The following PRKN variants were observed in gnomAD, a reference collection of about 807,000 sequenced individuals.
PRKN encodes the protein E3 ubiquitin-protein ligase parkin.
PRKN carries 56 observed loss-of-function variants against 59.5 expected under a neutral mutation model. The observed-to-expected ratio is 0.94, with a 90% CI of 0.76 to 1.18. PRKN has a LOEUF of 1.18. Among genes scored for constraint, PRKN ranks in the 50% most tolerant of loss-of-function variants. PRKN has a pLI of 0.00. For missense variants in PRKN, 657 were observed against 596.4 expected (o/e 1.10, Z -1.06); for synonymous variants, 250 against 222.1 (o/e 1.13, Z -1.12).
At chr6:161,594,900 C>T (rs974843680) in intron 7 of PRKN, among the ~76,000 whole-genome samples, 8 of 152,100 alleles carry the variant, frequency 5.3e-5, no homozygotes, top group African/African-American at 1.7e-4. Context: ...GAAAAACAGT[C>T]AAATCAGATA....
intron 1 of PRKN, among the ~76,000 whole-genome samples, chr6:162,474,807 A>G (rs1248722240): frequency 6.6e-6 from 1 of 152,210 alleles, no homozygotes; most frequent in Non-Finnish European, 1.5e-5. Flanking sequence ...TACTGAAAAT[A>G]GCCTATTTCC....
chr6:162,010,033 T>C (rs1782426944), intron 5 of PRKN, among the ~76,000 whole-genome samples: 1 of 151,256 alleles, frequency 6.6e-6, no homozygotes, highest in Admixed American at 6.6e-5. Flanking sequence ...CGCTTGGAGT[T>C]ACTATTTAAT....
intron 7 of PRKN, among the ~76,000 whole-genome samples, chr6:161,646,045 T>G (rs9458323): frequency 1.6e-5 from 1 of 64,420 alleles, no homozygotes. Flanking sequence ...GCATGCGTGG[T>G]GGAGGAGGCG....
At chr6:161,805,478 A>ACACACACACACACACATG (rs61442187) in intron 6 of PRKN, among the ~76,000 whole-genome samples, 10 of 149,364 alleles carry the variant, frequency 6.7e-5, no homozygotes, top group South Asian at 2.1e-4. Flanking sequence ...ACACACACAC[A>ACACACACACACACACATG]CATGCATGTA....
At chr6:161,510,916 G>A (rs993427315) in intron 9 of PRKN, among the ~76,000 whole-genome samples, 2 of 152,166 alleles carry the variant, frequency 1.3e-5, no homozygotes, top group Admixed American at 6.5e-5. Context: ...ATTGAGCGTG[G>A]ATAAGGGAAA....
At position 161,406,935 on chromosome 6, in the gene PRKN, G is replaced by A. The variant is rs1042628148; in HGVS notation, c.1084-20058C>T. On this transcript the variant is annotated intron_variant, in intron 9 of 11. Coordinates refer to ENST00000366898, the MANE Select transcript of PRKN (RefSeq NM_004562.3). The stretch of plus-strand genomic sequence containing the variant: ...AGGAGCGTCTCGGCACTGCTGCTAC[G>A]GGTAAGGACAGAGCTTCTTGCTGAC... Among the ~76,000 whole-genome samples, 11 of 152,146 alleles carry A rather than the reference G, an allele frequency of 7.2e-5. No homozygotes were observed. In the East Asian group the frequency reaches 1.3e-3, roughly 19 times the overall value.
intron 2 of PRKN, among the ~76,000 whole-genome samples, chr6:162,421,890 G>A (rs149321321): frequency 6.6e-6 from 1 of 152,256 alleles, no homozygotes; most frequent in African/African-American, 2.4e-5. Flanking sequence ...ATTAAAGTAT[G>A]TATTCTATTT....
chr6:161,806,754 T>C (rs1354251832), intron 6 of PRKN, among the ~76,000 whole-genome samples: 2 of 152,208 alleles, frequency 1.3e-5, no homozygotes, highest in Non-Finnish European at 2.9e-5. Flanking sequence ...GGTATTTGAA[T>C]GTGCATTGGG....
chr6:161,771,181 C>T (rs1056494545), intron 7 of PRKN, among the ~76,000 whole-genome samples: 1 of 151,550 alleles, frequency 6.6e-6, no homozygotes, highest in Non-Finnish European at 1.5e-5. Context: ...ACGGTGAAAC[C>T]CTGTCTCTAC....
At chr6:161,394,789 T>G (rs1353237209) in intron 9 of PRKN, among the ~76,000 whole-genome samples, 1 of 152,134 alleles carries the variant, frequency 6.6e-6, no homozygotes, top group Non-Finnish European at 1.5e-5. Context: ...CATTAAAAGA[T>G]CCATGATAAG....
At chr6:161,671,258 T>G (rs1784898787) in intron 7 of PRKN, among the ~76,000 whole-genome samples, 1 of 152,116 alleles carries the variant, frequency 6.6e-6, no homozygotes, top group Admixed American at 6.5e-5. Flanking sequence ...CACCTCCTTC[T>G]TAGTGTTGGC....
intron 6 of PRKN, among the ~76,000 whole-genome samples, chr6:161,862,875 G>A (rs1793963061): frequency 6.6e-6 from 1 of 152,136 alleles, no homozygotes. Context: ...TTTTTTAAGA[G>A]AAAGACTATG....
In PRKN at chr6:161,390,599, C is replaced by T. The variant is rs1019407868; in HGVS notation, c.1084-3722G>A. Among the ~76,000 whole-genome samples the T allele has an allele frequency of 2.6e-5, 4 of 152,180 alleles. No homozygotes were observed. Among genetic ancestry groups the T allele is most frequent in the African/African-American group, 7.2e-5 (3 of 41,422 alleles). ...CGCCTCCCGGGTTCAAGCAATTCTC[C>T]CGTCTCAGCCTCCTGAGTAGCTGGG... On this transcript the variant is annotated intron_variant, in intron 9 of 11. Coordinates refer to ENST00000366898, the MANE Select transcript of PRKN (RefSeq NM_004562.3). This position sits in a 1 kb window ranked among gnomAD's most constrained non-coding sequence, Gnocchi z 7.0.
intron 6 of PRKN, among the ~76,000 whole-genome samples, chr6:161,964,830 TG>T (rs1480072766): frequency 6.6e-6 from 1 of 152,090 alleles, no homozygotes; most frequent in Non-Finnish European, 1.5e-5. Flanking sequence ...AGATCCCATC[TG>T]ATCCCTAAAT....
chr6:162,676,387 C>T (rs1254640086), intron 1 of PRKN, among the ~76,000 whole-genome samples: 1 of 151,912 alleles, frequency 6.6e-6, no homozygotes, highest in African/African-American at 2.4e-5. Context: ...AAAAATAAAA[C>T]TTTATTGTCA....
At chr6:162,379,081 T>G (rs1786282819) in intron 2 of PRKN, among the ~76,000 whole-genome samples, 1 of 152,182 alleles carries the variant, frequency 6.6e-6, no homozygotes, top group South Asian at 2.1e-4. Flanking sequence ...CCTCTCCCCT[T>G]CTTACACATT....
In PRKN at chr6:161,460,646, G is replaced by A. The variant is rs145596376; in HGVS notation, c.1084-73769C>T. ...CTGAAGAAGACACAACTTCATCGCCGTGAGCATGACTTCCAGGGATGTCCA... is the reference window on the plus strand; with the variant it reads ...CTGAAGAAGACACAACTTCATCGCCATGAGCATGACTTCCAGGGATGTCCA... On this transcript the variant is annotated intron_variant, in intron 9 of 11. Transcript: ENST00000366898. The surrounding 1 kb of genome is among the most constrained non-coding windows in gnomAD (Gnocchi z 5.0). 1.6e-4 allele frequency among the ~76,000 whole-genome samples: 24 copies of A among 152,228 alleles called. No homozygotes were observed. Among genetic ancestry groups the A allele is most frequent in the Middle Eastern group, 3.4e-3 (1 of 294 alleles).
intron 7 of PRKN, among the ~76,000 whole-genome samples, chr6:161,664,502 C>T (rs538252872): frequency 4.0e-5 from 6 of 151,684 alleles, no homozygotes; most frequent in African/African-American, 1.2e-4. Context: ...GAACCGGTAT[C>T]CTTTAAAATA....
At position 162,473,792 on chromosome 6, in the gene PRKN, T is replaced by C. The variant is rs181059603; in HGVS notation, c.8-30319A>G. On this transcript the variant is annotated intron_variant, in intron 1 of 11. Coordinates refer to ENST00000366898, the MANE Select transcript of PRKN (RefSeq NM_004562.3). Reference sequence around the variant, plus strand: ...TAGAACCAAGCTGAAAACCATAAACTGATGGCAAGTGTGGAAAGAGCACAG... The same window carrying C: ...TAGAACCAAGCTGAAAACCATAAACCGATGGCAAGTGTGGAAAGAGCACAG... Among the ~76,000 whole-genome samples, 711 of 152,226 alleles carry C rather than the reference T, an allele frequency of 4.7e-3. 4 individuals are homozygous for C. Among genetic ancestry groups the C allele is most frequent in the Non-Finnish European group, 5.3e-3 (358 of 68,014 alleles).
Sources: gnomAD v4.1 joint callset for allele counts (sites outside exome capture counted in the v4.1 genomes callset) on GRCh38, gnomAD v4.1.1 for gene constraint, Gnocchi (gnomAD v3.1) non-coding constraint, MANE v1.5 for transcripts, NCBI Gene and HGNC (gene_info 2026-07-23, HGNC 2026-07-21) for gene names.